The following ANHX variants were observed in gnomAD, a reference collection of about 807,000 sequenced individuals.
The protein encoded by ANHX is anomalous homeobox.
Under a neutral mutation model 38.9 loss-of-function variants are expected in ANHX, and 20 were observed. The observed-to-expected ratio is 0.51, with a 90% CI of 0.36 to 0.75. The LOEUF (loss-of-function observed/expected upper bound fraction) is 0.75, where lower values mean the gene tolerates loss of function less well. ANHX is among the 30% of genes least tolerant of loss of function. The pLI, the probability that ANHX is intolerant of heterozygous loss-of-function variation, is 0.00. For missense variants in ANHX, 475 were observed against 493.1 expected (o/e 0.96, Z 0.35); for synonymous variants, 185 against 203.1 (o/e 0.91, Z 0.76).
intron 4 of ANHX, 35 bp downstream of exon 4, chr12:133,227,789 G>A: frequency 6.5e-7 from 1 of 1,534,018 alleles, no homozygotes; most frequent in Non-Finnish European, 8.7e-7. Flanking sequence ...CACCAGGCAG[G>A]GACCCCCTGG....
rs1957192521 is a variant in ANHX at position 133,226,576 on chromosome 12, T to C, written c.719-138A>G. On this transcript the variant is annotated intron_variant, in intron 5 of 9. Coordinates refer to ENST00000545940, the MANE Select transcript of ANHX (RefSeq NM_001372060.1). ...CCCAATGTTTTTGCTTCTTGTCCTG[T>C]CTTTGGTGTGAACCAACAATCCATA... 2.3e-6 allele frequency: 3 copies of C among 1,286,378 alleles called. No individual in the cohort carries two copies. In the Admixed American group the frequency reaches 8.6e-5, roughly 37 times the overall value. The allele number at this position is 1,286,378 out of a possible 1,614,324, so 79.7% of individuals were successfully genotyped here.
At chr12:133,233,061 C>T (rs910183378) in intron 2 of ANHX, among the ~76,000 whole-genome samples, 7 of 152,272 alleles carry the variant, frequency 4.6e-5, no homozygotes, top group South Asian at 2.1e-4. Flanking sequence ...ACTGGCCACA[C>T]GGAGAGCCAG....
intron 3 of ANHX, among the ~76,000 whole-genome samples, chr12:133,229,187 AG>A (rs1211247967): frequency 3.3e-5 from 5 of 152,174 alleles, no homozygotes; most frequent in African/African-American, 1.2e-4. Context: ...TCAGTCACAG[AG>A]ATGACAAAGG....
intron 6 of ANHX, 127 bp downstream of exon 6, chr12:133,226,191 G>A: frequency 7.0e-7 from 1 of 1,437,492 alleles, no homozygotes; most frequent in Non-Finnish European, 9.4e-7. Flanking sequence ...CCTCTCCCTG[G>A]GGTCTGACCT....
At chr12:133,231,454 C>T in intron 3 of ANHX, 63 bp downstream of exon 3, 1 of 1,529,182 alleles carries the variant, frequency 6.5e-7, no homozygotes, top group Non-Finnish European at 8.8e-7. Context: ...CTGGGCTTTG[C>T]ATGGTACATC....
Position 133,224,788 on chromosome 12 carries a change from A to C in ANHX, c.1132+748T>G, listed in dbSNP as rs543308334. On this transcript the variant is annotated intron_variant, in intron 7 of 9. Coordinates refer to ENST00000545940, the MANE Select transcript of ANHX (RefSeq NM_001372060.1). ...AGACCATCCTGGCTAACAGGGTGAAACCCCGTCTCTACTAAAAAGTACAAA... is the reference window on the plus strand; with the variant it reads ...AGACCATCCTGGCTAACAGGGTGAACCCCCGTCTCTACTAAAAAGTACAAA... Among the ~76,000 whole-genome samples the C allele has an allele frequency of 9.4e-4, 141 of 150,658 alleles. 1 individual carries two copies. Among genetic ancestry groups the C allele is most frequent in the Non-Finnish European group, 1.8e-3 (123 of 67,812 alleles).
intron 3 of ANHX, among the ~76,000 whole-genome samples, chr12:133,229,482 T>C (rs964161594): frequency 1.3e-5 from 2 of 152,146 alleles, no homozygotes; most frequent in Non-Finnish European, 2.9e-5. Context: ...GGTTCCCACA[T>C]AGGCCAAGAG....
intron 4 of ANHX, among the ~76,000 whole-genome samples, chr12:133,227,409 GC>G (rs1391592738): frequency 1.3e-5 from 2 of 152,232 alleles, no homozygotes; most frequent in African/African-American, 2.4e-5. Flanking sequence ...CCTGAGTGGG[GC>G]CCTTGCTAGG....
chr12:133,227,849 T>A lies in ANHX; in HGVS notation c.476A>T (p.Asn159Ile). ...EKLHNFAVGV[N>I]TNPSKAEREN... Reference sequence around the variant, plus strand: ...CCTCTCAGCCTTGCTGGGGTTGGTGTTCACCCCCACAGCGAAATTGTGCAG... The same window carrying A: ...CCTCTCAGCCTTGCTGGGGTTGGTGATCACCCCCACAGCGAAATTGTGCAG... Residue 159 changes from asparagine to isoleucine, a missense_variant, in exon 4 of 10, where the codon AAC (asparagine) becomes ATC (isoleucine). Asn to Ile is a moderately radical substitution (Grantham distance 149). Coordinates refer to ENST00000545940, the MANE Select transcript of ANHX (RefSeq NM_001372060.1). 1 of 1,525,214 alleles carries A rather than the reference T, an allele frequency of 6.6e-7. No individual in the cohort carries two copies. Among genetic ancestry groups the A allele is most frequent in the Non-Finnish European group, 8.8e-7 (1 of 1,140,922 alleles). 94.5% of individuals were successfully genotyped at this position (1,525,214 alleles called of 1,614,324 possible). A position where few individuals can be genotyped will look rare whatever the true frequency, so the allele number is the denominator to read the frequency against.
At position 133,219,059 on chromosome 12, in the gene ANHX, A is replaced by G; in HGVS notation, c.1366-88T>C. The G allele has an allele frequency of 2.4e-6, 3 of 1,269,860 alleles. No homozygotes were observed. In the African/African-American group the frequency reaches 4.4e-5, roughly 19 times the overall value. The allele number at this position is 1,269,860 out of a possible 1,614,324, so 78.7% of individuals were successfully genotyped here. ...ACCTGGGCACCTCCTGACCTTGGGA[A>G]GACCCCCCGCAACCAGTCTGGACTC... On this transcript the variant is annotated intron_variant, in intron 9 of 9. Coordinates refer to ENST00000545940, the MANE Select transcript of ANHX (RefSeq NM_001372060.1).
Position 133,226,434 on chromosome 12 carries a change from T to A in ANHX, c.723A>T (p.Glu241Asp), listed in dbSNP as rs1048222238. Reference protein sequence around the residue: ...GFVDRPQWSEEREEKGPPQSP... With the variant: ...GFVDRPQWSEDREEKGPPQSP... Reference sequence around the variant, plus strand: ...ACTGTGGAGGCCCCTTTTCCTCACGTTCCTCTGAAAGTGATGAGATGGGAG... The same window carrying A: ...ACTGTGGAGGCCCCTTTTCCTCACGATCCTCTGAAAGTGATGAGATGGGAG... The change falls in exon 6 of 10, where the codon GAA (glutamate) becomes GAT (aspartate). Residue 241 changes from glutamate (E) to aspartate (D), a missense_variant. By Grantham distance (45) the Glu-to-Asp change is conservative (BLOSUM62 2). Coordinates refer to ENST00000545940, the MANE Select transcript of ANHX (RefSeq NM_001372060.1). 35 of 1,533,910 alleles carry A rather than the reference T, an allele frequency of 2.3e-5. No homozygotes were observed. Among genetic ancestry groups the A allele is most frequent in the Non-Finnish European group, 3.0e-5 (34 of 1,145,536 alleles).
chr12:133,228,567 C>T (rs1159619006), intron 3 of ANHX, among the ~76,000 whole-genome samples: 1 of 152,172 alleles, frequency 6.6e-6, no homozygotes, highest in Non-Finnish European at 1.5e-5. Flanking sequence ...ACTTAATGTC[C>T]TTGGGTGATC....
intron 3 of ANHX, among the ~76,000 whole-genome samples, chr12:133,228,288 C>T (rs1387889999): frequency 1.3e-5 from 2 of 151,612 alleles, no homozygotes; most frequent in Non-Finnish European, 2.9e-5. Context: ...GCGTGCACAG[C>T]CTTCCTCGTA....
chr12:133,219,018 C>T (rs1209354363), intron 9 of ANHX, 47 bp from the exon 10 acceptor site: 3 of 1,480,828 alleles, frequency 2.0e-6, no homozygotes, highest in Non-Finnish European at 1.8e-6. Flanking sequence ...TTTCCAGGCT[C>T]AAGACCTGCC....
intron 7 of ANHX, among the ~76,000 whole-genome samples, chr12:133,222,324 T>C (rs994356570): frequency 3.9e-5 from 6 of 152,058 alleles, no homozygotes; most frequent in African/African-American, 1.4e-4. Context: ...CAGCCCATGG[T>C]GATGGGGTGT....
In ANHX at chr12:133,218,767, G is replaced by A. The variant is rs1957068721; in HGVS notation, c.*118C>T. ...CTCTGCTTTTCAGCAGAGCCCCCAG[G>A]GGAACTCTGGGGACCTTCATTTTGT... On this transcript the variant is annotated 3_prime_UTR_variant, in exon 10 of 10. Coordinates refer to ENST00000545940, the MANE Select transcript of ANHX (RefSeq NM_001372060.1). 1 of 660,678 alleles carries A rather than the reference G, an allele frequency of 1.5e-6. No homozygotes were observed. 40.9% of individuals were successfully genotyped at this position (660,678 alleles called of 1,614,324 possible). A position where few individuals can be genotyped will look rare whatever the true frequency, so the allele number is the denominator to read the frequency against.
At chr12:133,231,801 T>C (rs1957282499) in intron 2 of ANHX, among the ~76,000 whole-genome samples, 157 bp from the exon 3 acceptor site, 1 of 152,346 alleles carries the variant, frequency 6.6e-6, no homozygotes, top group South Asian at 2.1e-4. Context: ...AAAGTGCCAG[T>C]GTGGCCACAC....
intron 8 of ANHX, among the ~76,000 whole-genome samples, chr12:133,220,114 G>C (rs1011783556): frequency 6.6e-6 from 1 of 152,152 alleles, no homozygotes; most frequent in African/African-American, 2.4e-5. Context: ...GGCAGGAGGA[G>C]GGTACATTGA....
rs36198127 is a variant in ANHX at position 133,225,314 on chromosome 12, T to TACAC, written c.1132+218_1132+221dup. ...CTTCCTCTTCAGTGATATGCATACA[T>TACAC]ACACACACACACACACACACACACA... On this transcript the variant is annotated intron_variant, in intron 7 of 9. Coordinates refer to ENST00000545940, the MANE Select transcript of ANHX (RefSeq NM_001372060.1). Among the ~76,000 whole-genome samples the TACAC allele has an allele frequency of 8.4e-3, 1,184 of 141,548 alleles. 11 individuals carry two copies. Among genetic ancestry groups the TACAC allele is most frequent in the African/African-American group, 0.025 (932 of 37,364 alleles). The allele number at this position is 141,548 out of a possible 152,430, so 92.9% of individuals were successfully genotyped here. A position where few individuals can be genotyped will look rare whatever the true frequency, so the allele number is the denominator to read the frequency against.
Sources: allele counts gnomAD v4.1 joint callset (sites outside exome capture counted in the v4.1 genomes callset), GRCh38; gene constraint gnomAD v4.1.1; transcripts MANE v1.5; gene names NCBI Gene and HGNC (gene_info 2026-07-23, HGNC 2026-07-21).